The following TMPRSS11E variants were observed in gnomAD, a reference collection of about 807,000 sequenced individuals.
TMPRSS11E encodes transmembrane protease serine 11E.
Under a neutral mutation model 48.1 loss-of-function variants are expected in TMPRSS11E, and 38 were observed. The observed-to-expected ratio is 0.79, with a 90% CI of 0.61 to 1.04. The LOEUF (loss-of-function observed/expected upper bound fraction) is 1.04. TMPRSS11E is among the 50% of genes least tolerant of loss of function. The pLI is 0.00. For missense variants in TMPRSS11E, 530 were observed against 510.8 expected, an observed-to-expected ratio of 1.04 and a Z score of -0.36; for synonymous variants, 158 against 171.9, an observed-to-expected ratio of 0.92 and a Z score of 0.63.
rs148771829 is a variant in TMPRSS11E, at chr4:68,461,711, A to G, written c.12-110A>G. The G allele has an allele frequency of 2.4e-5, 37 of 1,543,268 alleles. No homozygotes were observed. The African/African-American group carries it at 4.5e-4, about 19-fold the overall frequency. ...AGGGTGTGCTCTAAACCCAGACAGT[A>G]CACGACCCTCCAACTGAATGTCCTT... On this transcript the variant is annotated intron_variant, in intron 1 of 9. Transcript: ENST00000305363.
At chr4:68,464,413 T>G (rs1728873758) in intron 2 of TMPRSS11E, among the ~76,000 whole-genome samples, 1 of 152,150 alleles carries the variant, frequency 6.6e-6, no homozygotes, top group Non-Finnish European at 1.5e-5. Context: ...CCTGTGTAAT[T>G]TGGATGTCAG....
intron 9 of TMPRSS11E, among the ~76,000 whole-genome samples, chr4:68,494,705 A>C (rs527966922): frequency 6.6e-6 from 1 of 152,224 alleles, no homozygotes; most frequent in Non-Finnish European, 1.5e-5. Context: ...AGAATTAACA[A>C]ATATAATAAT....
At chr4:68,489,974 CTT>C (rs1332976528) in intron 9 of TMPRSS11E, among the ~76,000 whole-genome samples, 1 of 152,218 alleles carries the variant, frequency 6.6e-6, no homozygotes, top group African/African-American at 2.4e-5. Context: ...AATTCTGTCT[CTT>C]TCAACTCTCC....
At chr4:68,471,690 T>C (rs1166121320) in intron 5 of TMPRSS11E, 67 bp downstream of exon 5, 4 of 1,324,260 alleles carry the variant, frequency 3.0e-6, no homozygotes, top group African/African-American at 3.0e-5. Context: ...TTGGCACTTA[T>C]TAAAAAATTT....
intron 9 of TMPRSS11E, among the ~76,000 whole-genome samples, chr4:68,494,642 AATAGAG>A (rs3840275): frequency 0.32 from 47,926 of 151,716 alleles, 8,736 homozygotes; most frequent in Middle Eastern, 0.49. Flanking sequence ...TAATGAGACA[AATAGAG>A]ATAGAGACAG....
chr4:68,496,605 CTG>C (rs756849991), intron 9 of TMPRSS11E, 36 bp from the exon 10 acceptor site: 3 of 1,579,940 alleles, frequency 1.9e-6, no homozygotes, highest in Non-Finnish European at 2.6e-6. Context: ...CTGTAATGAA[CTG>C]AATTATGAAT....
intron 9 of TMPRSS11E, among the ~76,000 whole-genome samples, chr4:68,491,080 C>T (rs35044049): frequency 0.32 from 48,161 of 151,498 alleles, 8,877 homozygotes; most frequent in Middle Eastern, 0.5. Flanking sequence ...TATTCTGACA[C>T]CAATCTAGTA....
intron 9 of TMPRSS11E, 147 bp from the exon 10 acceptor site, chr4:68,496,496 C>A: frequency 1.3e-6 from 1 of 788,850 alleles, no homozygotes; most frequent in Non-Finnish European, 2.0e-6. Flanking sequence ...GGATAACTGA[C>A]ATAGATGGAG....
At chr4:68,488,231 A>G (rs1729617575) in intron 9 of TMPRSS11E, among the ~76,000 whole-genome samples, 1 of 152,184 alleles carries the variant, frequency 6.6e-6, no homozygotes, top group African/African-American at 2.4e-5. Flanking sequence ...GGAAATTTTC[A>G]GGAACGATAT....
chr4:68,464,501 G>A (rs748994234), intron 2 of TMPRSS11E, among the ~76,000 whole-genome samples: 1 of 152,062 alleles, frequency 6.6e-6, no homozygotes, highest in Non-Finnish European at 1.5e-5. Flanking sequence ...ACAAACTCAT[G>A]TTTATCCTTA....
At chr4:68,482,626 G>C (rs1404256457) in intron 9 of TMPRSS11E, among the ~76,000 whole-genome samples, 1 of 116,180 alleles carries the variant, frequency 8.6e-6, no homozygotes, top group African/African-American at 3.1e-5. Flanking sequence ...AAAAAAATTA[G>C]CTGGGCTTTG....
Position 68,482,315 on chromosome 4 carries a change from A to G in TMPRSS11E, c.1110+3324A>G, listed in dbSNP as rs150056555. Among the ~76,000 whole-genome samples the G allele has an allele frequency of 3.6e-3, 553 of 152,260 alleles. 3 individuals carry two copies. The highest frequency in any genetic ancestry group is 0.013 in the African/African-American group (534 of 41,560). On this transcript the variant is annotated intron_variant, in intron 9 of 9. Coordinates refer to ENST00000305363, the MANE Select transcript of TMPRSS11E (RefSeq NM_014058.4). ...TCAGCATTGGGGGTGACAAAGCAACATGAGATTTGGGCAGGGATAAATATC... is the reference window on the plus strand; with the variant it reads ...TCAGCATTGGGGGTGACAAAGCAACGTGAGATTTGGGCAGGGATAAATATC...
chr4:68,451,882 C>G (rs1332363967), intron 1 of TMPRSS11E, among the ~76,000 whole-genome samples: 1 of 151,904 alleles, frequency 6.6e-6, no homozygotes, highest in East Asian at 1.9e-4. Flanking sequence ...AGCCTATGCT[C>G]TTAATCACAG....
intron 9 of TMPRSS11E, among the ~76,000 whole-genome samples, chr4:68,493,745 C>G (rs1386881173): frequency 6.6e-6 from 1 of 152,152 alleles, no homozygotes; most frequent in Non-Finnish European, 1.5e-5. Context: ...GCCTCAGCTT[C>G]CCAAGGTGCT....
At chr4:68,453,614 C>T (rs1222508315) in intron 1 of TMPRSS11E, among the ~76,000 whole-genome samples, 5 of 151,876 alleles carry the variant, frequency 3.3e-5, no homozygotes, top group East Asian at 1.9e-4. Flanking sequence ...AGTAAATACA[C>T]GTCTTCATGT....
At chr4:68,460,204 T>C (rs979511162) in intron 1 of TMPRSS11E, among the ~76,000 whole-genome samples, 5 of 152,160 alleles carry the variant, frequency 3.3e-5, no homozygotes, top group Non-Finnish European at 7.4e-5. Context: ...GATAACACCA[T>C]TGACTTCTAT....
intron 4 of TMPRSS11E, 122 bp downstream of exon 4, chr4:68,469,068 C>A: frequency 2.4e-6 from 2 of 816,346 alleles, no homozygotes; most frequent in Non-Finnish European, 4.1e-6. Context: ...GACACTTGTC[C>A]TGTGTAAGTC....
At chr4:68,482,025 T>G (rs1170385768) in intron 9 of TMPRSS11E, among the ~76,000 whole-genome samples, 1 of 152,152 alleles carries the variant, frequency 6.6e-6, no homozygotes, top group Non-Finnish European at 1.5e-5. Context: ...TTAATTGGCT[T>G]ATGATTCTGC....
chr4:68,482,954 A>G (rs953739811), intron 9 of TMPRSS11E, among the ~76,000 whole-genome samples: 1 of 152,100 alleles, frequency 6.6e-6, no homozygotes, highest in Non-Finnish European at 1.5e-5. Context: ...AAATTCTTCC[A>G]TTCTTTACCT....
Sources: gnomAD v4.1 joint callset for allele counts (sites outside exome capture counted in the v4.1 genomes callset) on GRCh38, gnomAD v4.1.1 for gene constraint, MANE v1.5 for transcripts, NCBI Gene and HGNC (gene_info 2026-07-23, HGNC 2026-07-21) for gene names.